Variants in SUGP1 observed in about 807,000 individuals in gnomAD.
The protein encoded by SUGP1 is SURP and G-patch domain containing 1, also known as SURP and G-patch domain-containing protein 1.
Under a neutral mutation model 76.5 loss-of-function variants are expected in SUGP1, and 34 were observed. The observed-to-expected ratio is 0.44, with a 90% CI of 0.34 to 0.59. SUGP1 has a LOEUF of 0.59. SUGP1 is among the 20% of genes least tolerant of loss of function. SUGP1 has a pLI of 0.01. For synonymous variants in SUGP1, 326 were observed against 326.2 expected (o/e 1.00, Z 0.01); for missense variants, 752 against 851.7 (o/e 0.88, Z 1.46).
Position 19,310,092 on chromosome 19 carries a change from C to T in SUGP1, c.310+5G>A. 1 of 1,612,114 alleles carries T rather than the reference C, an allele frequency of 6.2e-7. No homozygotes were observed. The highest frequency in any genetic ancestry group is 8.5e-7 in the Non-Finnish European group (1 of 1,178,594). On this transcript the variant is annotated splice_donor_5th_base_variant and intron_variant, in intron 3 of 13. Coordinates refer to ENST00000247001, the MANE Select transcript of SUGP1 (RefSeq NM_172231.4). ...AGCACAAGGAAAGGGGAGGCCTACA[C>T]TCACCTGTGCTGGTCTGTGCCTTCT...
intron 4 of SUGP1, 27 bp from the exon 5 acceptor site, chr19:19,303,874 T>TTTAAGGAGGCTG (rs2061293253): frequency 6.2e-7 from 1 of 1,613,116 alleles, no homozygotes; most frequent in South Asian, 1.1e-5. Context: ...AGTACTGGGG[T>TTTAAGGAGGCTG]TCAACTCACA....
chr19:19,318,113 CTTTTTTTTTTTT>C (rs1192437542), intron 1 of SUGP1, among the ~76,000 whole-genome samples: 1 of 97,716 alleles, frequency 1.0e-5, no homozygotes, highest in African/African-American at 4.4e-5. Flanking sequence ...ACCCAGCCTT[CTTTTTTTTTTTT>C]TTTTTTTTTG....
chr19:19,319,531 A>G (rs2061422218), intron 1 of SUGP1, among the ~76,000 whole-genome samples: 1 of 151,756 alleles, frequency 6.6e-6, no homozygotes, highest in Admixed American at 6.6e-5. Flanking sequence ...GAGCCTAGGA[A>G]TTCCAGACCT....
At chr19:19,291,239 A>G (rs1284517793) in intron 8 of SUGP1, among the ~76,000 whole-genome samples, 1 of 152,236 alleles carries the variant, frequency 6.6e-6, no homozygotes, top group Non-Finnish European at 1.5e-5. Flanking sequence ...AGAAAATAGT[A>G]AAGTTTAGAG....
chr19:19,316,318 G>T, intron 2 of SUGP1, 104 bp downstream of exon 2: 1 of 1,399,950 alleles, frequency 7.1e-7, no homozygotes, highest in Non-Finnish European at 9.7e-7. Flanking sequence ...TCAGGCTATG[G>T]CTGGGTGCAA....
chr19:19,311,301 T>G (rs2061351079), intron 2 of SUGP1, among the ~76,000 whole-genome samples: 1 of 151,896 alleles, frequency 6.6e-6, no homozygotes. Context: ...TTGTGCTAAC[T>G]TGTTAAAAAC....
At chr19:19,319,899 T>C (rs1232507237) in intron 1 of SUGP1, among the ~76,000 whole-genome samples, 1 of 152,048 alleles carries the variant, frequency 6.6e-6, no homozygotes, top group African/African-American at 2.4e-5. Flanking sequence ...CCTGTTTCGG[T>C]CACCGCTGCA....
chr19:19,312,737 C>T (rs2061361280), intron 2 of SUGP1, among the ~76,000 whole-genome samples: 1 of 152,142 alleles, frequency 6.6e-6, no homozygotes, highest in African/African-American at 2.4e-5. Context: ...CCTGTAATCC[C>T]AGCACTTTGG....
At chr19:19,312,223 TA>T (rs942164083) in intron 2 of SUGP1, among the ~76,000 whole-genome samples, 1 of 151,194 alleles carries the variant, frequency 6.6e-6, no homozygotes, top group Admixed American at 6.6e-5. Flanking sequence ...TAAGATCATT[TA>T]AAAAAAAATA....
chr19:19,294,772 C>T (rs1355850811), intron 8 of SUGP1, among the ~76,000 whole-genome samples: 1 of 151,834 alleles, frequency 6.6e-6, no homozygotes, highest in Non-Finnish European at 1.5e-5. Context: ...GCACTACCAT[C>T]CCCTGGAGGG....
intron 7 of SUGP1, among the ~76,000 whole-genome samples, chr19:19,300,213 T>C (rs992113843): frequency 1.3e-5 from 2 of 152,066 alleles, no homozygotes; most frequent in Non-Finnish European, 2.9e-5. Flanking sequence ...GTAGCTGGGA[T>C]TATAGGCACA....
At chr19:19,292,619 C>T (rs1332683729) in intron 8 of SUGP1, among the ~76,000 whole-genome samples, 4 of 151,752 alleles carry the variant, frequency 2.6e-5, no homozygotes, top group East Asian at 1.9e-4. Context: ...AAGCTGAGAT[C>T]GCGCTACTGC....
chr19:19,319,678 G>T (rs528155284), intron 1 of SUGP1, among the ~76,000 whole-genome samples: 178 of 130,402 alleles, frequency 1.4e-3, no homozygotes, highest in African/African-American at 5.1e-3. Context: ...CTGCACTACA[G>T]CCTGGGCGAC....
Position 19,295,605 on chromosome 19 carries a change from C to CAAA in SUGP1, c.1243+1381_1243+1383dup, listed in dbSNP as rs55921805. On this transcript the variant is annotated intron_variant, in intron 8 of 13. Transcript: ENST00000247001. Reference sequence around the variant, plus strand: ...TGGGCAACACAGTGAGACTCCTTCTCAAAAAAAAAAAAAAAAAAAAAAAAG... The same window carrying CAAA: ...TGGGCAACACAGTGAGACTCCTTCTCAAAAAAAAAAAAAAAAAAAAAAAAAAAG... Among the ~76,000 whole-genome samples, 167 of 66,728 alleles carry CAAA rather than the reference C, an allele frequency of 2.5e-3. 2 individuals are homozygous for CAAA. The highest frequency in any genetic ancestry group is 3.3e-3 in the African/African-American group (66 of 20,216). 43.8% of individuals were successfully genotyped at this position (66,728 alleles called of 152,430 possible). A position where few individuals can be genotyped will look rare whatever the true frequency, so the allele number is the denominator to read the frequency against.
chr19:19,278,083 C>A (rs938544512), intron 11 of SUGP1, among the ~76,000 whole-genome samples: 14 of 152,170 alleles, frequency 9.2e-5, no homozygotes, highest in Non-Finnish European at 1.2e-4. Context: ...AAACTGTGCA[C>A]CCCTGGTGGC....
intron 7 of SUGP1, among the ~76,000 whole-genome samples, chr19:19,299,539 A>ATTTTT (rs36109106): frequency 1.4e-5 from 2 of 141,794 alleles, no homozygotes. Context: ...CACCCGGCTA[A>ATTTTT]TTTTTTTTTT....
At chr19:19,310,776 T>C (rs1416312045) in intron 2 of SUGP1, among the ~76,000 whole-genome samples, 1 of 152,202 alleles carries the variant, frequency 6.6e-6, no homozygotes, top group Non-Finnish European at 1.5e-5. Context: ...CCTGAGCAGC[T>C]GGGATTACAA....
chr19:19,312,459 C>T (rs557275826), intron 2 of SUGP1, among the ~76,000 whole-genome samples: 1 of 152,280 alleles, frequency 6.6e-6, no homozygotes, highest in Non-Finnish European at 1.5e-5. Context: ...TTTTTAAACC[C>T]GCATGACGTT....
chr19:19,304,209 C>T (rs904406380), intron 4 of SUGP1, among the ~76,000 whole-genome samples: 1 of 152,208 alleles, frequency 6.6e-6, no homozygotes, highest in Non-Finnish European at 1.5e-5. Flanking sequence ...TCAAAGATGA[C>T]ACGTTCTTTT....
Sources: gnomAD v4.1 joint callset for allele counts (sites outside exome capture counted in the v4.1 genomes callset) on GRCh38, gnomAD v4.1.1 for gene constraint, MANE v1.5 for transcripts, NCBI Gene and HGNC (gene_info 2026-07-23, HGNC 2026-07-21) for gene names.